FGF13: variants seen among roughly 807,000 people sequenced by gnomAD.
FGF13 encodes the protein fibroblast growth factor homologous factor 2.
In FGF13, 2 loss-of-function variants were observed where a neutral mutation model predicts 19.5. The ratio of observed to expected loss-of-function variants is 0.10; its 90% confidence interval spans 0.04 to 0.32. The LOEUF is 0.32. FGF13 is among the 10% of genes least tolerant of loss of function. The probability of loss-of-function intolerance (pLI) is 1.00; values close to 1 mark genes in which losing one functional copy is unlikely to be tolerated. For missense variants in FGF13, 113 were observed against 192.7 expected (o/e 0.59, Z 2.45); for synonymous variants, 72 against 76.9 (o/e 0.94, Z 0.33).
At position 138,616,427 on chromosome X, in the gene FGF13, G is replaced by A; in HGVS notation, c.*16423C>T. 8.9e-6 allele frequency: 1 copy of A among 112,953 alleles called. No individual in the cohort carries two copies. Among genetic ancestry groups the A allele is most frequent in the East Asian group, 2.8e-4 (1 of 3,549 alleles). 9.3% of individuals were successfully genotyped at this position (112,953 alleles called of 1,213,427 possible). On this transcript the variant is annotated 3_prime_UTR_variant, in exon 5 of 5. Transcript: ENST00000315930. ...TCACATCTATCCAGGTCACAATGATGCAAGGGGTGGGCTCCCACAGCCTTG... is the reference window on the plus strand; with the variant it reads ...TCACATCTATCCAGGTCACAATGATACAAGGGGTGGGCTCCCACAGCCTTG...
At chrX:138,900,012 G>A (rs776058476) in intron 1 of FGF13, among the ~76,000 whole-genome samples, 2 of 110,863 alleles carry the variant, frequency 1.8e-5, no homozygotes, top group South Asian at 3.9e-4. Context: ...AAAGGAGCTC[G>A]GTTTTGGAGA....
At chrX:138,856,458 A>G (rs1328202862), downstream of FGF13, among the ~76,000 whole-genome samples, 1 of 111,921 alleles carries the variant, frequency 8.9e-6, no homozygotes, top group Non-Finnish European at 1.9e-5. Flanking sequence ...TCTCTCCCAT[A>G]TCAGAAAGAC....
chrX:139,005,008 G>A (rs1277401535), intron 1 of FGF13, among the ~76,000 whole-genome samples: 1 of 112,125 alleles, frequency 8.9e-6, no homozygotes, highest in Non-Finnish European at 1.9e-5. Flanking sequence ...TGCCCTGAAG[G>A]GAAGGACGCA....
chrX:138,777,389 TGA>T (rs1391970227), intron 3 of FGF13, among the ~76,000 whole-genome samples: 1 of 111,705 alleles, frequency 9.0e-6, no homozygotes, highest in Non-Finnish European at 1.9e-5. Context: ...TCTCCCATTT[TGA>T]GAGACATCAG....
chrX:139,151,369 G>C lies in FGF13; in HGVS notation c.-113+52047C>G, dbSNP rs1232300338. Among the ~76,000 whole-genome samples the C allele has an allele frequency of 1.5e-4, 17 of 111,643 alleles. No individual in the cohort carries two copies. The Admixed American group carries it at 1.6e-3, about 11-fold the overall frequency. On this transcript the variant is annotated intron_variant, in intron 1 of 2. Coordinates refer to the FGF13 transcript ENST00000421460. ...TTAAATGGCAGAGGTGGCTGCCACT[G>C]GCTGCCTTGTCAATGTGGTTTATAT...
chrX:138,787,521 T>C (rs764613894), intron 3 of FGF13, among the ~76,000 whole-genome samples: 84 of 112,177 alleles, frequency 7.5e-4, no homozygotes, highest in Non-Finnish European at 1.3e-3. Context: ...CAGTTAGTTC[T>C]CTGGCTTCTT....
intron 1 of FGF13, among the ~76,000 whole-genome samples, chrX:138,941,314 A>T (rs1437844770): frequency 1.8e-5 from 2 of 111,824 alleles, no homozygotes; most frequent in African/African-American, 6.5e-5. Flanking sequence ...ATAAAACCCC[A>T]CAGTTTCTGC....
chrX:138,649,687 G>A lies in FGF13; in HGVS notation c.403-14032C>T, dbSNP rs905641681. Among the ~76,000 whole-genome samples the A allele has an allele frequency of 1.6e-4, 18 of 112,243 alleles. 1 individual carries two copies. Among genetic ancestry groups the A allele is most frequent in the African/African-American group, 4.9e-4 (15 of 30,897 alleles). On this transcript the variant is annotated intron_variant, in intron 3 of 4. Transcript: ENST00000315930. ...CAGAAAAGAAGACATTCAATTATGT[G>A]TGCTGGTTTATATCAACTAAAACAT...
chrX:138,784,670 T>C (rs1320285747), intron 3 of FGF13, among the ~76,000 whole-genome samples: 1 of 111,650 alleles, frequency 9.0e-6, no homozygotes, highest in Non-Finnish European at 1.9e-5. Context: ...ATTAATTCTC[T>C]AATTTTAGCA....
At chrX:138,860,831 C>T (rs187396290) in intron 2 of FGF13, among the ~76,000 whole-genome samples, 14 of 112,289 alleles carry the variant, frequency 1.2e-4, no homozygotes, top group East Asian at 1.1e-3. Context: ...AAAGAACAGG[C>T]CTTTGGGGGG....
intron 3 of FGF13, among the ~76,000 whole-genome samples, chrX:138,846,185 TTGTGTG>T (rs200911113): frequency 0.024 from 2,365 of 96,608 alleles, 71 homozygotes; most frequent in African/African-American, 0.082. Flanking sequence ...ATGTGTCCAT[TTGTGTG>T]TGTGTGTGTG....
chrX:138,873,775 TG>T (rs2091370981), intron 1 of FGF13, among the ~76,000 whole-genome samples: 1 of 111,021 alleles, frequency 9.0e-6, no homozygotes, highest in African/African-American at 3.3e-5. Context: ...ATTTCCCGAC[TG>T]GATTAAGAAA....
chrX:139,046,816 G>C (rs1294963337), intron 1 of FGF13, among the ~76,000 whole-genome samples: 1 of 111,346 alleles, frequency 9.0e-6, no homozygotes, highest in East Asian at 2.8e-4. Context: ...GCTCCTGTGG[G>C]TTCCTCAAAT....
At chrX:139,089,494 C>T (rs1347954470) in intron 1 of FGF13, among the ~76,000 whole-genome samples, 2 of 111,889 alleles carry the variant, frequency 1.8e-5, no homozygotes, top group African/African-American at 6.5e-5. Flanking sequence ...ATGCCCATGT[C>T]AGCCTCCACA....
chrX:138,854,531 T>G (rs1216857138), downstream of FGF13, among the ~76,000 whole-genome samples: 1 of 111,586 alleles, frequency 9.0e-6, no homozygotes, highest in Admixed American at 9.6e-5. Flanking sequence ...GCCCAGCCCT[T>G]ATAAACCACT....
chrX:138,693,338 A>T (rs1376392398), intron 3 of FGF13, among the ~76,000 whole-genome samples: 1 of 111,932 alleles, frequency 8.9e-6, no homozygotes, highest in Non-Finnish European at 1.9e-5. Flanking sequence ...AAAGACTTTC[A>T]TCTTAATAAC....
intron 3 of FGF13, among the ~76,000 whole-genome samples, chrX:138,823,357 G>C (rs1415484811): frequency 9.0e-6 from 1 of 111,381 alleles, no homozygotes; most frequent in Non-Finnish European, 1.9e-5. Flanking sequence ...GAGGAGCCTG[G>C]CCTCTCCTCT....
Position 138,960,724 on chromosome X carries a change from T to C in FGF13, c.-112-96074A>G, listed in dbSNP as rs1381436573. On this transcript the variant is annotated intron_variant, in intron 1 of 2. Coordinates refer to the FGF13 transcript ENST00000421460. ...GTTTGTTTCGTTTTACTCTTTTTTCTCTAAACTTCTCTTCTCACTTCATTT... is the reference window on the plus strand; with the variant it reads ...GTTTGTTTCGTTTTACTCTTTTTTCCCTAAACTTCTCTTCTCACTTCATTT... 7.1e-5 allele frequency among the ~76,000 whole-genome samples: 8 copies of C among 111,899 alleles called. No homozygotes were observed. In the Admixed American group the frequency reaches 7.6e-4, roughly 11 times the overall value.
intron 1 of FGF13, among the ~76,000 whole-genome samples, chrX:139,184,008 C>G (rs1603233487): frequency 8.9e-6 from 1 of 111,974 alleles, no homozygotes; most frequent in Admixed American, 9.5e-5. Context: ...CAAGCAGAAC[C>G]TATGTTCCTG....
Sources: gnomAD v4.1 joint callset for allele counts (sites outside exome capture counted in the v4.1 genomes callset) on GRCh38, gnomAD v4.1.1 for gene constraint, MANE v1.5 for transcripts, NCBI Gene and HGNC (gene_info 2026-07-23, HGNC 2026-07-21) for gene names.